CYFIP1: variants seen among roughly 807,000 people sequenced by gnomAD.
CYFIP1 encodes cytoplasmic FMR1-interacting protein 1.
CYFIP1 carries 58 observed loss-of-function variants against 163.5 expected under a neutral mutation model. That is an observed-to-expected ratio of 0.35 (90% CI 0.29 to 0.44). The LOEUF (loss-of-function observed/expected upper bound fraction) is 0.44. Ranked by LOEUF, CYFIP1 falls within the 20% of genes least tolerant of loss-of-function variation. The pLI, the probability that CYFIP1 is intolerant of heterozygous loss-of-function variation, is 1.00. For synonymous variants in CYFIP1, 663 were observed against 660.7 expected (o/e 1.00, Z -0.05); for missense variants, 1,338 against 1,653.8 (o/e 0.81, Z 3.31).
intron 13 of CYFIP1, among the ~76,000 whole-genome samples, chr15:22,920,610 T>G (rs552846094): frequency 1.3e-5 from 2 of 152,324 alleles, no homozygotes; most frequent in South Asian, 4.1e-4. Context: ...TTCATCCTTC[T>G]ATAACGTAAA....
intron 22 of CYFIP1, among the ~76,000 whole-genome samples, chr15:22,895,822 G>A (rs956191930): frequency 6.6e-6 from 1 of 152,160 alleles, no homozygotes; most frequent in Non-Finnish European, 1.5e-5. Context: ...GAACACCACA[G>A]CCCAAGTGAG....
chr15:22,912,275 C>T lies in CYFIP1; in HGVS notation c.1986G>A (p.Glu662=), dbSNP rs769752008. Residue 662 remains glutamate (E), a splice_region_variant and synonymous_variant, in exon 18 of 31, where the codon GAG becomes GAA. Transcript: ENST00000617928. ...ILETKEASMM[E]YVLYSLDLYN... ...ACAGGTCCAGGGAGTAGAGCACGTA[C>T]CTGCAGAGGACAGCAGCAGTGTGAC... 83 of 1,610,562 alleles carry T rather than the reference C, an allele frequency of 5.2e-5. No homozygotes were observed. In the East Asian group the frequency reaches 1.5e-3, roughly 30 times the overall value.
intron 1 of CYFIP1, among the ~76,000 whole-genome samples, chr15:22,951,042 C>G (rs984329357): frequency 3.3e-5 from 5 of 152,190 alleles, no homozygotes; most frequent in Non-Finnish European, 5.9e-5. Context: ...ATAGACTACG[C>G]AGGGTTCAGT....
intron 5 of CYFIP1, among the ~76,000 whole-genome samples, chr15:22,944,263 T>C (rs1167303555): frequency 2.7e-5 from 3 of 110,456 alleles, no homozygotes; most frequent in African/African-American, 1.0e-4. Context: ...AAAAAAAAAG[T>C]ACAAACTGGC....
chr15:22,883,068 G>C, intron 23 of CYFIP1, 57 bp from the exon 24 acceptor site: 1 of 1,580,040 alleles, frequency 6.3e-7, no homozygotes, highest in Non-Finnish European at 8.6e-7. Flanking sequence ...TGCAGATGAA[G>C]AACTGTGTGA....
At chr15:22,969,313 A>G (rs1285414529) in intron 1 of CYFIP1, among the ~76,000 whole-genome samples, 1 of 152,176 alleles carries the variant, frequency 6.6e-6, no homozygotes, top group Non-Finnish European at 1.5e-5. Flanking sequence ...AGCCCACGGC[A>G]TGGGCTGTGC....
At chr15:22,963,381 T>TC (rs1355399343) in intron 1 of CYFIP1, among the ~76,000 whole-genome samples, 4 of 151,998 alleles carry the variant, frequency 2.6e-5, no homozygotes, top group Non-Finnish European at 5.9e-5. Flanking sequence ...TCCCAGCTAC[T>TC]CAAGAGGCTG....
Position 22,869,386 on chromosome 15 carries a change from T to A in CYFIP1, c.*642A>T, listed in dbSNP as rs1244682711. ...CCTTAGAGGTGACCTCCATCCCAGC[T>A]GGCCTGGTATGTGAGTTCAGGTTAG... On this transcript the variant is annotated 3_prime_UTR_variant, in exon 31 of 31. Transcript: ENST00000617928. 3 of 152,226 alleles carry A rather than the reference T, an allele frequency of 2.0e-5. No individual in the cohort carries two copies. Among genetic ancestry groups the A allele is most frequent in the African/African-American group, 4.8e-5 (2 of 41,426 alleles). 9.4% of individuals were successfully genotyped at this position (152,226 alleles called of 1,614,324 possible).
chr15:22,940,326 G>A (rs1210178088), intron 6 of CYFIP1, among the ~76,000 whole-genome samples: 1 of 152,144 alleles, frequency 6.6e-6, no homozygotes, highest in East Asian at 1.9e-4. Context: ...ACATTCCAGG[G>A]AGCCCCACAC....
In CYFIP1 at chr15:22,910,714, A is replaced by C. The variant is rs376291512; in HGVS notation, c.2159+23T>G. 757 of 1,610,758 alleles carry C rather than the reference A, an allele frequency of 4.7e-4. 7 individuals carry two copies. The South Asian group carries it at 7.9e-3, about 17-fold the overall frequency. On this transcript the variant is annotated intron_variant, in intron 19 of 30. Transcript: ENST00000617928. Reference sequence around the variant, plus strand: ...ATCAAATTATGAAACGTTTTGTATCAAAATCACACACCAGATACTCACCTT... The same window carrying C: ...ATCAAATTATGAAACGTTTTGTATCCAAATCACACACCAGATACTCACCTT...
At chr15:22,935,489 C>T (rs191523880) in intron 9 of CYFIP1, among the ~76,000 whole-genome samples, 19 of 152,218 alleles carry the variant, frequency 1.2e-4, no homozygotes, top group Admixed American at 1.1e-3. Context: ...ACAGCAGAAA[C>T]GTCTCATGAG....
intron 1 of CYFIP1, among the ~76,000 whole-genome samples, chr15:22,977,259 T>G (rs1167561398): frequency 6.6e-6 from 1 of 152,162 alleles, no homozygotes; most frequent in Non-Finnish European, 1.5e-5. Context: ...CTTGTGACCT[T>G]GCTAACCTCA....
At chr15:22,955,295 C>T (rs981520327) in intron 1 of CYFIP1, among the ~76,000 whole-genome samples, 2 of 152,172 alleles carry the variant, frequency 1.3e-5, no homozygotes, top group African/African-American at 4.8e-5. Context: ...TGGATGGGGT[C>T]GCCAGCTGCC....
chr15:22,973,435 T>G (rs932669063), intron 1 of CYFIP1, among the ~76,000 whole-genome samples: 1 of 151,950 alleles, frequency 6.6e-6, no homozygotes, highest in African/African-American at 2.4e-5. Context: ...GGCAATCACC[T>G]GTCTACTCTC....
At chr15:22,894,773 TAC>T (rs1179181537) in intron 22 of CYFIP1, among the ~76,000 whole-genome samples, 11 of 148,704 alleles carry the variant, frequency 7.4e-5, no homozygotes, top group Non-Finnish European at 1.5e-4. Context: ...TTAATCAAAA[TAC>T]ATATATATGA....
chr15:22,882,126 A>G (rs2059784212), intron 24 of CYFIP1, among the ~76,000 whole-genome samples, 190 bp from the exon 25 acceptor site: 1 of 152,174 alleles, frequency 6.6e-6, no homozygotes, highest in Admixed American at 6.5e-5. Flanking sequence ...GCTTCCCATG[A>G]CTGAATTCAT....
At chr15:22,956,323 C>CTCAGGGTT (rs1338883185) in intron 1 of CYFIP1, among the ~76,000 whole-genome samples, 18 of 152,174 alleles carry the variant, frequency 1.2e-4, no homozygotes, top group African/African-American at 4.3e-4. Context: ...GTCAGTAGGT[C>CTCAGGGTT]ATAACCCTGA....
intron 13 of CYFIP1, among the ~76,000 whole-genome samples, chr15:22,925,596 C>T (rs573481778): frequency 2.3e-4 from 35 of 152,260 alleles, no homozygotes; most frequent in South Asian, 4.1e-4. Context: ...AGAAAAGATA[C>T]CAGTTGATGC....
At chr15:22,895,511 G>A (rs993188909) in intron 22 of CYFIP1, among the ~76,000 whole-genome samples, 1 of 152,188 alleles carries the variant, frequency 6.6e-6, no homozygotes, top group African/African-American at 2.4e-5. Flanking sequence ...TTTAGATACT[G>A]ATTGACTCCT....
Sources: gnomAD v4.1 joint callset for allele counts (sites outside exome capture counted in the v4.1 genomes callset) on GRCh38, gnomAD v4.1.1 for gene constraint, MANE v1.5 for transcripts, NCBI Gene and HGNC (gene_info 2026-07-23, HGNC 2026-07-21) for gene names.